EML5: variants seen among roughly 807,000 people sequenced by gnomAD.
EML5 encodes the protein echinoderm microtubule-associated protein-like 5.
EML5 carries 120 observed loss-of-function variants against 250.0 expected under a neutral mutation model. The ratio of observed to expected loss-of-function variants is 0.48; its 90% CI spans 0.41 to 0.56. The LOEUF is 0.56. Ranked by LOEUF, EML5 falls within the 20% of genes least tolerant of loss-of-function variation. EML5 has a pLI of 0.00. For synonymous variants in EML5, 771 were observed against 806.5 expected (o/e 0.96, Z 0.75); for missense variants, 2,006 against 2,437.6 (o/e 0.82, Z 3.73).
At chr14:88,657,586 C>A in intron 26 of EML5, 84 bp from the exon 27 acceptor site, 2 of 1,298,606 alleles carry the variant, frequency 1.5e-6, no homozygotes, top group South Asian at 1.9e-5. Context: ...AGATGTTCAA[C>A]AATATGAAAT....
At chr14:88,785,760 C>A (rs1013441670) in intron 1 of EML5, among the ~76,000 whole-genome samples, 12 of 152,322 alleles carry the variant, frequency 7.9e-5, no homozygotes, top group Non-Finnish European at 1.0e-4. Flanking sequence ...GCCACCAATA[C>A]TTCCTGACTG....
At chr14:88,648,065 T>TA (rs2091442462) in intron 28 of EML5, among the ~76,000 whole-genome samples, 5 of 152,222 alleles carry the variant, frequency 3.3e-5, no homozygotes, top group East Asian at 3.9e-4. Flanking sequence ...ATTTTGCTAG[T>TA]AAAAAAAGTA....
intron 1 of EML5, among the ~76,000 whole-genome samples, chr14:88,786,308 T>G (rs1391269957): frequency 6.6e-6 from 1 of 152,096 alleles, no homozygotes; most frequent in African/African-American, 2.4e-5. Context: ...ATATAAAAAT[T>G]TACACACATA....
At chr14:88,788,839 C>A (rs1164117274) in intron 1 of EML5, among the ~76,000 whole-genome samples, 1 of 151,370 alleles carries the variant, frequency 6.6e-6, no homozygotes, top group African/African-American at 2.4e-5. Context: ...GGGAGGATCA[C>A]TTGAGCCCAG....
chr14:88,613,406 T>C lies in EML5; in HGVS notation c.*2412A>G, dbSNP rs1004647441. The stretch of plus-strand genomic sequence containing the variant: ...TACTTTTAGCTATCATTTATAAAGA[T>C]AGTTTTGTTCTCAGTTTCACTATAA... On this transcript the variant is annotated 3_prime_UTR_variant, in exon 44 of 44. Transcript: ENST00000554922. 8.1e-5 allele frequency: 12 copies of C among 147,618 alleles called. 1 individual carries two copies. The highest frequency in any genetic ancestry group is 6.6e-4 in the Admixed American group (10 of 15,040). 9.1% of individuals were successfully genotyped at this position (147,618 alleles called of 1,614,324 possible). A position where few individuals can be genotyped will look rare whatever the true frequency, so the allele number is the denominator to read the frequency against.
intron 1 of EML5, among the ~76,000 whole-genome samples, chr14:88,774,948 G>A (rs1396631920): frequency 1.3e-5 from 2 of 152,196 alleles, no homozygotes; most frequent in Non-Finnish European, 2.9e-5. Flanking sequence ...AGAGTTGCTT[G>A]GTCAAAGTCA....
At chr14:88,634,914 G>A (rs1429045249) in intron 32 of EML5, among the ~76,000 whole-genome samples, 1 of 152,130 alleles carries the variant, frequency 6.6e-6, no homozygotes, top group African/African-American at 2.4e-5. Context: ...TTTTCCGTAT[G>A]CATCTTTTAA....
chr14:88,711,211 G>C (rs926989705), intron 10 of EML5, among the ~76,000 whole-genome samples: 5 of 151,392 alleles, frequency 3.3e-5, no homozygotes, highest in Non-Finnish European at 5.9e-5. Context: ...CTTTTGATAT[G>C]GTTTGGCTCT....
rs760126982 is a variant in EML5, at chr14:88,792,946, G to GCGAGC, written c.-448_-444dup. Among the ~76,000 whole-genome samples the GCGAGC allele has an allele frequency of 0.01, 1,567 of 151,636 alleles. 14 individuals are homozygous for GCGAGC. Among genetic ancestry groups the GCGAGC allele is most frequent in the Non-Finnish European group, 0.017 (1,171 of 67,856 alleles). ...CCCGCGCCGCGCACCCCGAAACCGA[G>GCGAGC]CGAGCCGAGCCGAGCCGAGCCGAGC... On this transcript the variant is annotated 5_prime_UTR_variant, in exon 1 of 44. Coordinates refer to ENST00000554922, the MANE Select transcript of EML5 (RefSeq NM_183387.3). This position sits in a 1 kb window ranked among gnomAD's most constrained non-coding sequence, Gnocchi z 6.9.
chr14:88,639,392 A>G (rs1366857642), intron 31 of EML5, among the ~76,000 whole-genome samples: 2 of 152,172 alleles, frequency 1.3e-5, no homozygotes, highest in Non-Finnish European at 2.9e-5. Context: ...CATGGTTGGA[A>G]AGGCAGCTTG....
chr14:88,657,765 C>T (rs1232802382), intron 26 of EML5, among the ~76,000 whole-genome samples: 7 of 152,064 alleles, frequency 4.6e-5, no homozygotes, highest in Non-Finnish European at 1.0e-4. Context: ...ATATTAGCTA[C>T]ATACATCTTA....
chr14:88,766,406 A>G (rs1019541839), intron 1 of EML5, among the ~76,000 whole-genome samples: 1 of 152,144 alleles, frequency 6.6e-6, no homozygotes, highest in Non-Finnish European at 1.5e-5. Flanking sequence ...GGTCTCTAAA[A>G]TGGCCGCTTT....
Position 88,705,478 on chromosome 14 carries a change from T to C in EML5, c.1932+4A>G. ...GAGAAAAACCATGTGATATGGAAAA[T>C]TACCTGTCGACGGTAGGTGAGCTGT... is the stretch of plus-strand genomic sequence containing the variant. On this transcript the variant is annotated splice_donor_region_variant and intron_variant, in intron 12 of 43. Coordinates refer to ENST00000554922, the MANE Select transcript of EML5 (RefSeq NM_183387.3). The C allele has an allele frequency of 6.3e-7, 1 of 1,587,604 alleles. No homozygotes were observed. The highest frequency in any genetic ancestry group is 8.6e-7 in the Non-Finnish European group (1 of 1,163,736).
intron 8 of EML5, among the ~76,000 whole-genome samples, chr14:88,717,015 A>G (rs1248503519): frequency 2.0e-5 from 3 of 152,236 alleles, no homozygotes; most frequent in East Asian, 1.9e-4. Flanking sequence ...AAGCCTGGGA[A>G]TACTCATACA....
In EML5 at chr14:88,792,486, G is replaced by C; in HGVS notation, c.18C>G (p.Ala6=). The change falls in exon 1 of 44, where the codon GCC becomes GCG. Residue 6 remains alanine, a synonymous_variant. Transcript: ENST00000554922. The surrounding 1 kb of genome is among the most constrained non-coding windows in gnomAD (Gnocchi z 6.9). The part of the protein sequence containing the change: MAARS[A]PSCHLRLEWV... ...ACTCGAGCCGCAGGTGGCAGCTCGG[G>C]GCGCTCCGGGCCGCCATGTCGGGGC... 6 of 1,450,020 alleles carry C rather than the reference G, an allele frequency of 4.1e-6. No individual in the cohort carries two copies. The highest frequency in any genetic ancestry group is 5.5e-6 in the Non-Finnish European group (6 of 1,093,752). The allele number at this position is 1,450,020 out of a possible 1,614,324, so 89.8% of individuals were successfully genotyped here.
At chr14:88,703,226 AC>A (rs1444046260) in intron 13 of EML5, among the ~76,000 whole-genome samples, 4 of 152,208 alleles carry the variant, frequency 2.6e-5, no homozygotes, top group Non-Finnish European at 5.9e-5. Flanking sequence ...TAAAACAAAA[AC>A]AATTGCTTTT....
At chr14:88,683,772 C>T (rs1002411225) in intron 20 of EML5, among the ~76,000 whole-genome samples, 1 of 152,118 alleles carries the variant, frequency 6.6e-6, no homozygotes, top group Non-Finnish European at 1.5e-5. Flanking sequence ...AAATGCTCCA[C>T]AAATTTGGAA....
At chr14:88,758,396 T>C (rs775495865) in intron 1 of EML5, among the ~76,000 whole-genome samples, 1 of 152,068 alleles carries the variant, frequency 6.6e-6, no homozygotes, top group Admixed American at 6.5e-5. Context: ...GGTTTCACCA[T>C]GTTGACCAGG....
chr14:88,722,805 T>C (rs1420423088), intron 8 of EML5, among the ~76,000 whole-genome samples: 2 of 152,176 alleles, frequency 1.3e-5, no homozygotes, highest in Admixed American at 6.5e-5. Context: ...AATGGGTTAA[T>C]ACCTAGGTGA....
Sources: gnomAD v4.1 joint callset for allele counts (sites outside exome capture counted in the v4.1 genomes callset) on GRCh38, gnomAD v4.1.1 for gene constraint, Gnocchi (gnomAD v3.1) non-coding constraint, MANE v1.5 for transcripts, NCBI Gene and HGNC (gene_info 2026-07-23, HGNC 2026-07-21) for gene names.